The following GULP1 variants were observed in gnomAD, a reference collection of about 807,000 sequenced individuals.
The protein encoded by GULP1 is GULP PTB domain containing engulfment adaptor 1, also known as PTB domain-containing engulfment adapter protein 1.
In GULP1, 19 loss-of-function variants were observed where a neutral mutation model predicts 40.9. That is an observed-to-expected ratio of 0.46 (90% CI 0.32 to 0.68). The LOEUF (loss-of-function observed/expected upper bound fraction) is 0.68. Ranked by LOEUF, GULP1 falls within the 30% of genes least tolerant of loss-of-function variation. GULP1 has a pLI of 0.03. For missense variants in GULP1, 312 were observed against 362.2 expected, an observed-to-expected ratio of 0.86 and a Z score of 1.12; for synonymous variants, 119 against 117.6, an observed-to-expected ratio of 1.01 and a Z score of -0.08.
At chr2:188,593,871 C>G in intron 11 of GULP1, 69 bp from the exon 12 acceptor site, 1 of 874,270 alleles carries the variant, frequency 1.1e-6, no homozygotes, top group Non-Finnish European at 1.9e-6. Context: ...AGTGCATAGT[C>G]TTTTTTATTC....
At chr2:188,417,614 A>G (rs2054759876) in intron 2 of GULP1, among the ~76,000 whole-genome samples, 1 of 152,216 alleles carries the variant, frequency 6.6e-6, no homozygotes, top group South Asian at 2.1e-4. Context: ...AAAGATAAGT[A>G]TATTTAATTT....
intron 1 of GULP1, among the ~76,000 whole-genome samples, chr2:188,375,225 A>G (rs1017138821): frequency 6.6e-6 from 1 of 152,222 alleles, no homozygotes; most frequent in African/African-American, 2.4e-5. Flanking sequence ...GTGAAATTAT[A>G]TCCAATTATG....
intron 1 of GULP1, among the ~76,000 whole-genome samples, chr2:188,325,205 T>C (rs2040580893): frequency 6.6e-6 from 1 of 152,086 alleles, no homozygotes; most frequent in Non-Finnish European, 1.5e-5. Context: ...CAAATCATGT[T>C]GATAGTCTAA....
chr2:188,473,068 T>G (rs2060720144), intron 2 of GULP1, among the ~76,000 whole-genome samples: 1 of 152,202 alleles, frequency 6.6e-6, no homozygotes, highest in African/African-American at 2.4e-5. Flanking sequence ...TTGGACAAGA[T>G]CTGAAAGAAT....
chr2:188,461,920 T>G (rs1391276735), intron 2 of GULP1, among the ~76,000 whole-genome samples: 1 of 152,144 alleles, frequency 6.6e-6, no homozygotes, highest in South Asian at 2.1e-4. Flanking sequence ...TTCTTCATTT[T>G]AATTTTATTT....
At chr2:188,413,655 A>T (rs920734973) in intron 2 of GULP1, among the ~76,000 whole-genome samples, 1 of 152,214 alleles carries the variant, frequency 6.6e-6, no homozygotes, top group African/African-American at 2.4e-5. Flanking sequence ...AACAGCATGT[A>T]AGCTCCATTG....
At chr2:188,385,827 A>G (rs776867996) in intron 2 of GULP1, among the ~76,000 whole-genome samples, 9 of 152,096 alleles carry the variant, frequency 5.9e-5, no homozygotes, top group Non-Finnish European at 1.2e-4. Flanking sequence ...CCAGTTCCCA[A>G]CAAGTTCCTC....
chr2:188,312,970 GTT>G (rs201030515), intron 1 of GULP1, among the ~76,000 whole-genome samples: 1 of 151,690 alleles, frequency 6.6e-6, no homozygotes, highest in African/African-American at 2.4e-5. Context: ...GGGGTTGTTT[GTT>G]TTTTTCCTGT....
intron 4 of GULP1, among the ~76,000 whole-genome samples, chr2:188,520,289 G>A (rs2153224573): frequency 6.6e-6 from 1 of 152,220 alleles, no homozygotes. Context: ...TGTAATCCCA[G>A]CACTTTGCGG....
intron 2 of GULP1, among the ~76,000 whole-genome samples, chr2:188,409,882 G>C (rs994273358): frequency 2.0e-5 from 3 of 152,100 alleles, no homozygotes; most frequent in Non-Finnish European, 4.4e-5. Flanking sequence ...AAAAGACCTT[G>C]AATAGCCAAA....
At chr2:188,375,848 A>G (rs1265469311) in intron 1 of GULP1, among the ~76,000 whole-genome samples, 1 of 152,090 alleles carries the variant, frequency 6.6e-6, no homozygotes, top group African/African-American at 2.4e-5. Flanking sequence ...TGAAATCCAT[A>G]TTCGCAGGGT....
chr2:188,580,843 A>C (rs532864211), intron 9 of GULP1, among the ~76,000 whole-genome samples: 15 of 152,146 alleles, frequency 9.9e-5, no homozygotes, highest in Non-Finnish European at 1.8e-4. Flanking sequence ...AAATCAGATT[A>C]TTTTTGGCTG....
chr2:188,402,719 C>T (rs2152656095), intron 2 of GULP1, among the ~76,000 whole-genome samples: 1 of 151,978 alleles, frequency 6.6e-6, no homozygotes, highest in Non-Finnish European at 1.5e-5. Flanking sequence ...CTTAATAGGC[C>T]TTTTCTTTCC....
At chr2:188,323,669 T>A (rs370045523) in intron 1 of GULP1, among the ~76,000 whole-genome samples, 4,247 of 111,470 alleles carry the variant, frequency 0.038, 99 homozygotes, top group Middle Eastern at 0.11. Context: ...TGTGTGTGTG[T>A]GTGTGTGTGT....
intron 7 of GULP1, among the ~76,000 whole-genome samples, chr2:188,560,984 A>T (rs971956516): frequency 6.6e-6 from 1 of 152,218 alleles, no homozygotes; most frequent in Admixed American, 6.5e-5. Flanking sequence ...AATACTGGAG[A>T]TTACAATTTA....
intron 7 of GULP1, among the ~76,000 whole-genome samples, chr2:188,543,745 C>T (rs182830474): frequency 6.6e-6 from 1 of 152,218 alleles, no homozygotes; most frequent in East Asian, 1.9e-4. Flanking sequence ...AAATCTAAGA[C>T]TCATAATTCT....
At chr2:188,483,922 T>C (rs577796190) in intron 4 of GULP1, among the ~76,000 whole-genome samples, 16 of 152,076 alleles carry the variant, frequency 1.1e-4, no homozygotes, top group Non-Finnish European at 1.5e-4. Context: ...GTTTAAATTT[T>C]TATTTTATTT....
chr2:188,336,192 T>C (rs142160589), intron 1 of GULP1, among the ~76,000 whole-genome samples: 4 of 152,314 alleles, frequency 2.6e-5, no homozygotes, highest in South Asian at 2.1e-4. Flanking sequence ...TCCTTTCTGC[T>C]CTGCCCTGCT....
intron 1 of GULP1, among the ~76,000 whole-genome samples, chr2:188,301,674 T>C (rs2036157267): frequency 6.6e-6 from 1 of 152,216 alleles, no homozygotes; most frequent in African/African-American, 2.4e-5. Context: ...TTTAGTCATA[T>C]GTCACATGTC....
Sources: gnomAD v4.1 joint callset for allele counts (sites outside exome capture counted in the v4.1 genomes callset) on GRCh38, gnomAD v4.1.1 for gene constraint, MANE v1.5 for transcripts, NCBI Gene and HGNC (gene_info 2026-07-23, HGNC 2026-07-21) for gene names.